Variants in GOLIM4 observed in about 807,000 individuals in gnomAD.
GOLIM4 encodes golgi integral membrane protein 4.
A neutral mutation model predicts 107.4 loss-of-function variants in GOLIM4; 71 were observed. The ratio of observed to expected loss-of-function variants is 0.66; its 90% CI spans 0.55 to 0.81. GOLIM4 has a LOEUF of 0.81. GOLIM4 is among the 30% of genes least tolerant of loss of function. The pLI is 0.00. For missense variants in GOLIM4, 830 were observed against 826.1 expected (o/e 1.00, Z -0.06); for synonymous variants, 327 against 294.8 (o/e 1.11, Z -1.12).
intron 1 of GOLIM4, among the ~76,000 whole-genome samples, chr3:168,053,742 T>A (rs1019550545): frequency 6.6e-6 from 1 of 152,198 alleles, no homozygotes; most frequent in African/African-American, 2.4e-5. Context: ...CACCTGCCCA[T>A]CCCATTCCTC....
intron 1 of GOLIM4, among the ~76,000 whole-genome samples, chr3:168,082,252 G>C (rs1440858569): frequency 1.3e-5 from 2 of 152,130 alleles, no homozygotes; most frequent in African/African-American, 2.4e-5. Context: ...AGGAAGACAG[G>C]ATCACAGGAA....
chr3:168,054,769 T>C (rs930216908), intron 1 of GOLIM4, among the ~76,000 whole-genome samples: 5 of 152,200 alleles, frequency 3.3e-5, no homozygotes, highest in Non-Finnish European at 5.9e-5. Flanking sequence ...ATCGTATCCC[T>C]GTGATATGCT....
At chr3:168,078,610 C>T (rs1319376965) in intron 1 of GOLIM4, among the ~76,000 whole-genome samples, 1 of 152,084 alleles carries the variant, frequency 6.6e-6, no homozygotes, top group African/African-American at 2.4e-5. Flanking sequence ...CAGTTATATT[C>T]TGAATTTTTC....
intron 1 of GOLIM4, among the ~76,000 whole-genome samples, chr3:168,068,905 C>T (rs1369234199): frequency 1.3e-5 from 2 of 151,120 alleles, no homozygotes; most frequent in South Asian, 2.1e-4. Flanking sequence ...GGCACGATCT[C>T]GGCTCACCGC....
intron 1 of GOLIM4, among the ~76,000 whole-genome samples, chr3:168,074,448 A>G (rs1720971930): frequency 6.6e-6 from 1 of 152,192 alleles, no homozygotes; most frequent in South Asian, 2.1e-4. Context: ...AAGGAAGTAC[A>G]TTCCAGACAA....
intron 10 of GOLIM4, 31 bp from the exon 11 acceptor site, chr3:168,029,333 T>A: frequency 1.4e-6 from 2 of 1,405,446 alleles, no homozygotes; most frequent in Non-Finnish European, 2.0e-6. Context: ...ATAAATCCAG[T>A]GGGACAAAAT....
chr3:168,033,278 T>C (rs1360440546), intron 8 of GOLIM4, among the ~76,000 whole-genome samples: 1 of 150,996 alleles, frequency 6.6e-6, no homozygotes, highest in African/African-American at 2.4e-5. Flanking sequence ...GGAGTTGGGT[T>C]TAGTTTTTAC....
chr3:168,059,888 T>C (rs1157249309), intron 1 of GOLIM4, among the ~76,000 whole-genome samples: 1 of 151,998 alleles, frequency 6.6e-6, no homozygotes, highest in Non-Finnish European at 1.5e-5. Context: ...AGGGGGAGAC[T>C]CTTCCAAAAT....
At chr3:168,035,121 G>C (rs1246574200) in intron 8 of GOLIM4, among the ~76,000 whole-genome samples, 1 of 150,656 alleles carries the variant, frequency 6.6e-6, no homozygotes, top group African/African-American at 2.4e-5. Flanking sequence ...TCTCACACCA[G>C]TCAGAAGAGC....
intron 1 of GOLIM4, among the ~76,000 whole-genome samples, chr3:168,058,773 T>C (rs909761577): frequency 2.0e-5 from 3 of 152,152 alleles, no homozygotes; most frequent in Non-Finnish European, 4.4e-5. Context: ...ACAAAGCAAA[T>C]ACTATATTCT....
At chr3:168,051,520 G>A (rs1346902514) in intron 1 of GOLIM4, among the ~76,000 whole-genome samples, 2 of 152,106 alleles carry the variant, frequency 1.3e-5, no homozygotes, top group Non-Finnish European at 2.9e-5. Context: ...AAAATTCAAA[G>A]GTCTTAGAAA....
At chr3:168,069,775 G>GT (rs1262418629) in intron 1 of GOLIM4, among the ~76,000 whole-genome samples, 3 of 98,798 alleles carry the variant, frequency 3.0e-5, no homozygotes, top group Non-Finnish European at 6.3e-5. Flanking sequence ...AAAAATGCCT[G>GT]TTAAAAATAT....
At chr3:168,046,022 G>GCT (rs1719283536) in intron 3 of GOLIM4, among the ~76,000 whole-genome samples, 3 of 152,060 alleles carry the variant, frequency 2.0e-5, no homozygotes, top group Non-Finnish European at 2.9e-5. Flanking sequence ...TGGGAATAGA[G>GCT]GCATGTGTAC....
intron 1 of GOLIM4, among the ~76,000 whole-genome samples, chr3:168,086,283 CAAATT>C (rs1340767327): frequency 6.6e-6 from 1 of 151,876 alleles, no homozygotes; most frequent in African/African-American, 2.4e-5. Context: ...TTCTCTAAAC[CAAATT>C]AATCAATTAT....
rs562770818 is a variant in GOLIM4 at position 168,039,120 on chromosome 3, A to G, written c.684+1666T>C. 7.9e-5 allele frequency among the ~76,000 whole-genome samples: 12 copies of G among 152,260 alleles called. 1 individual carries two copies. The highest frequency in any genetic ancestry group is 2.6e-4 in the African/African-American group (11 of 41,572). ...CTAGGGTGTTTTGTTATAGCAGCCC[A>G]AAGTAACTAACACATATGGCTCTAA... On this transcript the variant is annotated intron_variant, in intron 7 of 15. Coordinates refer to ENST00000470487, the MANE Select transcript of GOLIM4 (RefSeq NM_014498.5).
intron 1 of GOLIM4, among the ~76,000 whole-genome samples, chr3:168,074,007 CTG>C (rs1720954625): frequency 6.6e-6 from 1 of 152,206 alleles, no homozygotes; most frequent in African/African-American, 2.4e-5. Flanking sequence ...ATAAAAAAGT[CTG>C]TGGCTTCCAT....
rs763811684 is a variant in GOLIM4, at chr3:168,010,255, G to A, written c.*14C>T. ...GAATCCGTTGGCTGAGCGTTGTCTA[G>A]AAATTGGGTGCCGCTACATTTCAGC... On this transcript the variant is annotated 3_prime_UTR_variant, in exon 16 of 16. Coordinates refer to ENST00000470487, the MANE Select transcript of GOLIM4 (RefSeq NM_014498.5). 1.1e-5 allele frequency: 18 copies of A among 1,608,008 alleles called. No homozygotes were observed. The highest frequency in any genetic ancestry group is 1.4e-5 in the Non-Finnish European group (17 of 1,177,802).
intron 7 of GOLIM4, among the ~76,000 whole-genome samples, chr3:168,040,522 T>G (rs1383335502): frequency 2.0e-5 from 3 of 152,226 alleles, no homozygotes; most frequent in Non-Finnish European, 4.4e-5. Flanking sequence ...TTCTGTGATT[T>G]AAACAAGTAT....
chr3:168,045,317 G>A (rs1390017581), intron 3 of GOLIM4, among the ~76,000 whole-genome samples: 1 of 152,186 alleles, frequency 6.6e-6, no homozygotes, highest in African/African-American at 2.4e-5. Flanking sequence ...CTTAAAGGGG[G>A]AAGAGAAAAG....
Sources: gnomAD v4.1 joint callset for allele counts (sites outside exome capture counted in the v4.1 genomes callset) on GRCh38, gnomAD v4.1.1 for gene constraint, MANE v1.5 for transcripts, NCBI Gene and HGNC (gene_info 2026-07-23, HGNC 2026-07-21) for gene names.